Variants in LYPD6 observed in about 807,000 individuals in gnomAD.
LYPD6 encodes LY6/PLAUR domain containing 6.
LYPD6 carries 15 observed loss-of-function variants against 22.7 expected under a neutral mutation model. That is an observed-to-expected ratio of 0.66 (90% CI 0.44 to 1.02). The LOEUF is 1.02. Ranked by LOEUF, LYPD6 falls within the 50% of genes least tolerant of loss-of-function variation. The pLI is 0.00. For missense variants in LYPD6, 189 were observed against 208.4 expected (o/e 0.91, Z 0.57); for synonymous variants, 72 against 77.5 (o/e 0.93, Z 0.37).
At chr2:149,415,747 G>A (rs1045667443) in intron 1 of LYPD6, among the ~76,000 whole-genome samples, 1 of 152,102 alleles carries the variant, frequency 6.6e-6, no homozygotes, top group Non-Finnish European at 1.5e-5. Context: ...GCTCACTGCA[G>A]CGTCAACCTC....
the LYPD6 span, among the ~76,000 whole-genome samples, chr2:149,486,344 A>G: frequency 1.3e-5 from 2 of 152,200 alleles, no homozygotes; most frequent in Non-Finnish European, 2.9e-5. Context: ...TGTTTCGATA[A>G]GGTAATGATC....
chr2:149,375,107 G>C (rs969458736), intron 1 of LYPD6, among the ~76,000 whole-genome samples: 2 of 152,162 alleles, frequency 1.3e-5, no homozygotes, highest in East Asian at 3.9e-4. Context: ...GTTTGTTAAG[G>C]GTTAGAATCA....
At chr2:149,359,981 G>T (rs1681540614) in intron 1 of LYPD6, among the ~76,000 whole-genome samples, 1 of 152,166 alleles carries the variant, frequency 6.6e-6, no homozygotes, top group African/African-American at 2.4e-5. Context: ...TATACTTACA[G>T]TTACTTCTTG....
intron 3 of LYPD6, among the ~76,000 whole-genome samples, chr2:149,462,792 G>C (rs942878206): frequency 6.6e-6 from 1 of 152,026 alleles, no homozygotes; most frequent in Admixed American, 6.6e-5. Context: ...AAGCAATTCA[G>C]TGGAGGAAAG....
At chr2:149,433,698 C>G (rs1683366695) in intron 1 of LYPD6, among the ~76,000 whole-genome samples, 1 of 152,196 alleles carries the variant, frequency 6.6e-6, no homozygotes. Flanking sequence ...TTCCCTATCT[C>G]ACATGAAGAC....
chr2:149,465,972 A>G (rs895503747), intron 3 of LYPD6, among the ~76,000 whole-genome samples: 5 of 152,190 alleles, frequency 3.3e-5, no homozygotes, highest in Admixed American at 3.3e-4. Context: ...CTTTTAGATA[A>G]AAGCCTTTGA....
At chr2:149,398,601 T>C (rs1682481073) in intron 1 of LYPD6, among the ~76,000 whole-genome samples, 1 of 152,094 alleles carries the variant, frequency 6.6e-6, no homozygotes, top group Non-Finnish European at 1.5e-5. Context: ...GAAGCTTTCC[T>C]GGAGACCTCC....
chr2:149,365,553 C>T (rs780721850), intron 1 of LYPD6, among the ~76,000 whole-genome samples: 22 of 151,854 alleles, frequency 1.4e-4, no homozygotes, highest in Admixed American at 2.6e-4. Context: ...GCATTTCTTA[C>T]GCTTATTTTC....
chr2:149,436,313 C>G (rs890265453), intron 1 of LYPD6, among the ~76,000 whole-genome samples: 24 of 152,086 alleles, frequency 1.6e-4, no homozygotes, highest in African/African-American at 5.6e-4. Flanking sequence ...AATGAGTAAC[C>G]TTGACTCCTT....
rs528491339 is a variant in LYPD6 at position 149,335,044 on chromosome 2, A to G, written c.-72+4322A>G. 4.5e-4 allele frequency among the ~76,000 whole-genome samples: 68 copies of G among 152,322 alleles called. 3 individuals are homozygous for G. In the Middle Eastern group the frequency reaches 0.01, roughly 23 times the overall value. The stretch of plus-strand genomic sequence containing the variant: ...GCACGTACAATTATGTACAGTACAT[A>G]CTACTTGAGAATGATATTAAACACC... On this transcript the variant is annotated intron_variant, in intron 1 of 4. Transcript: ENST00000334166.
intron 1 of LYPD6, among the ~76,000 whole-genome samples, chr2:149,374,216 G>T (rs1478672092): frequency 6.6e-6 from 1 of 152,144 alleles, no homozygotes; most frequent in Non-Finnish European, 1.5e-5. Flanking sequence ...CAGAAGTCAA[G>T]CATATGGTTT....
intron 2 of LYPD6, among the ~76,000 whole-genome samples, chr2:149,441,182 G>A (rs1004657098): frequency 8.5e-5 from 13 of 152,086 alleles, no homozygotes; most frequent in Admixed American, 3.3e-4. Flanking sequence ...AACATAGACC[G>A]TAAAAAATAT....
chr2:149,434,543 C>G (rs186104473), intron 1 of LYPD6, among the ~76,000 whole-genome samples: 1 of 152,136 alleles, frequency 6.6e-6, no homozygotes, highest in African/African-American at 2.4e-5. Flanking sequence ...TTTTCTATAG[C>G]ATGGATCTGG....
At chr2:149,453,944 A>G (rs1320470122) in intron 3 of LYPD6, among the ~76,000 whole-genome samples, 1 of 152,104 alleles carries the variant, frequency 6.6e-6, no homozygotes, top group Non-Finnish European at 1.5e-5. Context: ...ATCTTTTAAC[A>G]TTGTTCTTTC....
intron 2 of LYPD6, among the ~76,000 whole-genome samples, chr2:149,446,424 T>G (rs1683689453): frequency 6.6e-6 from 1 of 152,192 alleles, no homozygotes; most frequent in African/African-American, 2.4e-5. Flanking sequence ...TGAATGGTGA[T>G]ACAACAAGGT....
At chr2:149,475,008 C>A (rs1224674149), downstream of LYPD6, among the ~76,000 whole-genome samples, 1 of 152,150 alleles carries the variant, frequency 6.6e-6, no homozygotes, top group African/African-American at 2.4e-5. Flanking sequence ...ACCTCACGAT[C>A]CACCCGCTTT....
intron 1 of LYPD6, among the ~76,000 whole-genome samples, chr2:149,347,388 T>C (rs892346586): frequency 4.6e-5 from 7 of 152,186 alleles, no homozygotes; most frequent in Non-Finnish European, 8.8e-5. Flanking sequence ...TATCATTCTT[T>C]TTTAGGTTGG....
At chr2:149,423,689 G>A (rs1277312080) in intron 1 of LYPD6, among the ~76,000 whole-genome samples, 1 of 146,978 alleles carries the variant, frequency 6.8e-6, no homozygotes, top group Non-Finnish European at 1.5e-5. Context: ...ACTTTGAATA[G>A]GACATTGGTT....
intron 1 of LYPD6, among the ~76,000 whole-genome samples, chr2:149,434,152 G>A (rs1683381214): frequency 6.6e-6 from 1 of 152,018 alleles, no homozygotes; most frequent in African/African-American, 2.4e-5. Flanking sequence ...CCAATTAGAC[G>A]ATAAATAAGT....
Sources: gnomAD v4.1 joint callset for allele counts (sites outside exome capture counted in the v4.1 genomes callset) on GRCh38, gnomAD v4.1.1 for gene constraint, MANE v1.5 for transcripts, NCBI Gene and HGNC (gene_info 2026-07-23, HGNC 2026-07-21) for gene names.